The following ANKFY1 variants were observed in gnomAD, a reference collection of about 807,000 sequenced individuals.
ANKFY1 encodes the protein ankyrin repeat and FYVE domain-containing protein 1.
Under a neutral mutation model 128.3 loss-of-function variants are expected in ANKFY1, and 47 were observed. The ratio of observed to expected loss-of-function variants is 0.37; its 90% CI spans 0.29 to 0.47. The LOEUF is 0.47. ANKFY1 is among the 20% of genes least tolerant of loss of function. ANKFY1 has a pLI of 1.00. For synonymous variants in ANKFY1, 553 were observed against 601.6 expected, an observed-to-expected ratio of 0.92 and a Z score of 1.18; for missense variants, 1,222 against 1,510.6, an observed-to-expected ratio of 0.81 and a Z score of 3.17.
In ANKFY1 at chr17:4,218,414, T is replaced by C. The variant is rs1004685414; in HGVS notation, c.323-1296A>G. On this transcript the variant is annotated intron_variant, in intron 3 of 24. Coordinates refer to ENST00000341657, the MANE Select transcript of ANKFY1 (RefSeq NM_001330063.2). Reference sequence around the variant, plus strand: ...TATATATTCAACATAAGATATTTACTACATAGGCTTTTTGAAAAGTAGGCT... The same window carrying C: ...TATATATTCAACATAAGATATTTACCACATAGGCTTTTTGAAAAGTAGGCT... 3.3e-5 allele frequency among the ~76,000 whole-genome samples: 5 copies of C among 152,230 alleles called. No individual in the cohort carries two copies. In the South Asian group the frequency reaches 6.2e-4, roughly 19 times the overall value.
At chr17:4,252,889 T>A (rs1371976202) in intron 1 of ANKFY1, among the ~76,000 whole-genome samples, 1 of 152,062 alleles carries the variant, frequency 6.6e-6, no homozygotes, top group Non-Finnish European at 1.5e-5. Context: ...ACACATGAGG[T>A]ACAGATGTAT....
chr17:4,237,270 A>G (rs1966952471), intron 2 of ANKFY1, among the ~76,000 whole-genome samples: 1 of 152,238 alleles, frequency 6.6e-6, no homozygotes, highest in South Asian at 2.1e-4. Flanking sequence ...TAGTTCTATC[A>G]AAGACCAAGC....
chr17:4,243,114 T>C (rs1402272114), intron 1 of ANKFY1, among the ~76,000 whole-genome samples: 1 of 152,200 alleles, frequency 6.6e-6, no homozygotes, highest in African/African-American at 2.4e-5. Flanking sequence ...GTCATGAGGC[T>C]GGAGTGCAGT....
In ANKFY1 at chr17:4,166,079, C is replaced by G. The variant is rs1298055132; in HGVS notation, c.*1700G>C. 7 of 152,190 alleles carry G rather than the reference C, an allele frequency of 4.6e-5. No homozygotes were observed. Among genetic ancestry groups the G allele is most frequent in the Non-Finnish European group, 1.5e-5 (1 of 68,022 alleles). The allele number at this position is 152,190 out of a possible 1,614,324, so 9.4% of individuals were successfully genotyped here. ...GGGGGACGGGGGATCTCTTCTAATT[C>G]ATTGTTTTTCTTTTAAACATTGTGC... is the stretch of plus-strand genomic sequence containing the variant. On this transcript the variant is annotated 3_prime_UTR_variant, in exon 25 of 25. Transcript: ENST00000341657.
At position 4,164,324 on chromosome 17, in the gene ANKFY1, T is replaced by A. The variant is rs2059174805; in HGVS notation, c.*3455A>T. ...ACAGGCAATGATCTTCCAAAGAAAG[T>A]CTTTAAGGCATCTGTAACTTCTGGG... On this transcript the variant is annotated 3_prime_UTR_variant, in exon 25 of 25. Coordinates refer to ENST00000341657, the MANE Select transcript of ANKFY1 (RefSeq NM_001330063.2). The A allele has an allele frequency of 6.5e-6, 1 of 152,674 alleles. No individual in the cohort carries two copies. The highest frequency in any genetic ancestry group is 6.5e-5 in the Admixed American group (1 of 15,286). 9.5% of individuals were successfully genotyped at this position (152,674 alleles called of 1,614,324 possible). A position where few individuals can be genotyped will look rare whatever the true frequency, so the allele number is the denominator to read the frequency against.
At chr17:4,261,036 A>G (rs759580991) in intron 1 of ANKFY1, among the ~76,000 whole-genome samples, 6 of 152,228 alleles carry the variant, frequency 3.9e-5, no homozygotes, top group Non-Finnish European at 7.3e-5. Flanking sequence ...TTAATATCCC[A>G]AGAAACATTT....
At position 4,261,588 on chromosome 17, in the gene ANKFY1, GT is replaced by G. The variant is rs1968419594; in HGVS notation, c.10+2343del. Among the ~76,000 whole-genome samples the G allele has an allele frequency of 3.9e-5, 6 of 152,348 alleles. No homozygotes were observed. In the South Asian group the frequency reaches 1.2e-3, roughly 32 times the overall value. On this transcript the variant is annotated intron_variant, in intron 1 of 24. Transcript: ENST00000341657. Reference sequence around the variant, plus strand: ...CCCTGAAAGGATGTCTTCTTCGTGTGTTTATGGAGAGACACCCCACTGGCGA... The same window carrying G: ...CCCTGAAAGGATGTCTTCTTCGTGTGTTATGGAGAGACACCCCACTGGCGA...
chr17:4,237,075 G>T (rs1269180864), intron 2 of ANKFY1, among the ~76,000 whole-genome samples: 1 of 152,070 alleles, frequency 6.6e-6, no homozygotes, highest in East Asian at 1.9e-4. Flanking sequence ...GGCAGAGGTT[G>T]CAGTGAGCCG....
chr17:4,261,073 T>C (rs1016877258), intron 1 of ANKFY1, among the ~76,000 whole-genome samples: 98 of 152,244 alleles, frequency 6.4e-4, no homozygotes, highest in Non-Finnish European at 1.2e-3. Flanking sequence ...TTCCTTTGCA[T>C]AGCAAGCACC....
intron 4 of ANKFY1, among the ~76,000 whole-genome samples, chr17:4,213,635 C>CGGCTCACT (rs2060173725): frequency 6.7e-6 from 1 of 148,654 alleles, no homozygotes; most frequent in Non-Finnish European, 1.5e-5. Context: ...GGTACGATCT[C>CGGCTCACT]GGCTCACTGC....
At chr17:4,231,639 T>G (rs979386064) in intron 3 of ANKFY1, among the ~76,000 whole-genome samples, 2 of 152,076 alleles carry the variant, frequency 1.3e-5, no homozygotes, top group Non-Finnish European at 2.9e-5. Context: ...CATCAACATA[T>G]GCTAAAATTC....
chr17:4,200,038 A>G (rs899709713), intron 7 of ANKFY1, among the ~76,000 whole-genome samples: 4 of 150,846 alleles, frequency 2.7e-5, no homozygotes, highest in African/African-American at 9.7e-5. Context: ...CAATGAGCTC[A>G]TATCGGGAAA....
intron 11 of ANKFY1, among the ~76,000 whole-genome samples, chr17:4,185,956 G>T (rs775402987): frequency 2.0e-5 from 3 of 152,038 alleles, no homozygotes; most frequent in Non-Finnish European, 2.9e-5. Context: ...CTTGAGCTCT[G>T]ATCAAGACCT....
chr17:4,171,300 G>A (rs1179121020), intron 22 of ANKFY1, among the ~76,000 whole-genome samples: 1 of 152,190 alleles, frequency 6.6e-6, no homozygotes, highest in Non-Finnish European at 1.5e-5. Flanking sequence ...TACACATGGA[G>A]AAGAAAAATC....
At chr17:4,251,237 C>T (rs2143487785) in intron 1 of ANKFY1, among the ~76,000 whole-genome samples, 1 of 152,250 alleles carries the variant, frequency 6.6e-6, no homozygotes, top group African/African-American at 2.4e-5. Context: ...TATTCCTAGA[C>T]ACCACTACAT....
chr17:4,244,113 T>C (rs573598606), intron 1 of ANKFY1, among the ~76,000 whole-genome samples: 1 of 152,232 alleles, frequency 6.6e-6, no homozygotes, highest in African/African-American at 2.4e-5. Flanking sequence ...GTATTTTTAG[T>C]AGAGACAGGG....
chr17:4,175,873 C>T (rs1186117183), intron 19 of ANKFY1, among the ~76,000 whole-genome samples: 1 of 152,240 alleles, frequency 6.6e-6, no homozygotes, highest in Middle Eastern at 3.4e-3. Flanking sequence ...AAGGAGCACA[C>T]GGACACTGGA....
intron 1 of ANKFY1, among the ~76,000 whole-genome samples, chr17:4,260,071 C>T (rs970881388): frequency 6.6e-6 from 1 of 152,008 alleles, no homozygotes; most frequent in African/African-American, 2.4e-5. Flanking sequence ...GAAATAAGCT[C>T]GAAGTGTTAA....
intron 3 of ANKFY1, among the ~76,000 whole-genome samples, chr17:4,227,224 T>G (rs1442084223): frequency 2.0e-5 from 3 of 152,136 alleles, no homozygotes; most frequent in South Asian, 2.1e-4. Context: ...AAGGCCTATA[T>G]AACCCTAATA....
Sources: gnomAD v4.1 joint callset for allele counts (sites outside exome capture counted in the v4.1 genomes callset) on GRCh38, gnomAD v4.1.1 for gene constraint, MANE v1.5 for transcripts, NCBI Gene and HGNC (gene_info 2026-07-23, HGNC 2026-07-21) for gene names.